Variants in RBFOX1 observed in about 807,000 individuals in gnomAD.
The protein encoded by RBFOX1 is RNA binding fox-1 homolog 1.
In RBFOX1, 8 loss-of-function variants were observed where a neutral mutation model predicts 57.7. The observed-to-expected ratio is 0.14, with a 90% confidence interval of 0.08 to 0.25. The LOEUF is 0.25. Among genes scored for constraint, RBFOX1 ranks in the 10% least tolerant of loss-of-function variants. The pLI is 1.00. For missense variants in RBFOX1, 611 were observed against 548.5 expected (o/e 1.11, Z -1.14); for synonymous variants, 326 against 222.4 (o/e 1.47, Z -4.15).
At chr16:5,678,500 A>C (rs992392369) in intron 3 of RBFOX1, among the ~76,000 whole-genome samples, 4 of 152,192 alleles carry the variant, frequency 2.6e-5, no homozygotes, top group Non-Finnish European at 5.9e-5. Flanking sequence ...CAAGGTCTTC[A>C]TGATGATCTT....
At chr16:5,711,135 C>T (rs1203314869) in intron 3 of RBFOX1, among the ~76,000 whole-genome samples, 1 of 152,188 alleles carries the variant, frequency 6.6e-6, no homozygotes, top group Non-Finnish European at 1.5e-5. Flanking sequence ...TCTCTGCAGG[C>T]ATGGGACAGT....
At chr16:6,651,172 G>C (rs2098591278) in intron 2 of RBFOX1, among the ~76,000 whole-genome samples, 1 of 152,172 alleles carries the variant, frequency 6.6e-6, no homozygotes, top group African/African-American at 2.4e-5. Context: ...AGAGTGCTGG[G>C]ATTGCAGGCG....
intron 3 of RBFOX1, among the ~76,000 whole-genome samples, chr16:6,685,817 A>T (rs1264247426): frequency 6.6e-6 from 1 of 152,148 alleles, no homozygotes; most frequent in East Asian, 1.9e-4. Context: ...TGTTGTTTTC[A>T]TTATGTCATG....
In RBFOX1 at chr16:7,080,505, A is replaced by G. The variant is rs568101975; in HGVS notation, c.27+28407A>G. Reference sequence around the variant, plus strand: ...TAGGGAATGTGTGTTTTTCCCCTTCATGTTTGTTATAAAGTTTGCAGATCA... The same window carrying G: ...TAGGGAATGTGTGTTTTTCCCCTTCGTGTTTGTTATAAAGTTTGCAGATCA... On this transcript the variant is annotated intron_variant, in intron 4 of 15. Coordinates refer to ENST00000550418, the MANE Select transcript of RBFOX1 (RefSeq NM_018723.4). Among the ~76,000 whole-genome samples the G allele has an allele frequency of 1.4e-4, 21 of 152,110 alleles. 1 individual carries two copies. Among genetic ancestry groups the G allele is most frequent in the African/African-American group, 4.6e-4 (19 of 41,476 alleles).
Position 6,450,773 on chromosome 16 carries a change from A to ATTT in RBFOX1, c.-64+133717_-64+133718insTTT, listed in dbSNP as rs2094577478. ...TATATACATATATATATGTGTATAT[A>ATTT]TATATATATATATATACATATATAT... On this transcript the variant is annotated intron_variant, in intron 2 of 15. Transcript: ENST00000550418. Among the ~76,000 whole-genome samples, 13 of 38,552 alleles carry ATTT rather than the reference A, an allele frequency of 3.4e-4. 1 individual carries two copies. Among genetic ancestry groups the ATTT allele is most frequent in the African/African-American group, 2.2e-3 (13 of 6,002 alleles). 25.3% of individuals were successfully genotyped at this position (38,552 alleles called of 152,430 possible). A position where few individuals can be genotyped will look rare whatever the true frequency, so the allele number is the denominator to read the frequency against.
At chr16:7,553,864 G>C (rs746654997) in intron 5 of RBFOX1, among the ~76,000 whole-genome samples, 10 of 152,228 alleles carry the variant, frequency 6.6e-5, no homozygotes, top group Non-Finnish European at 1.2e-4. Flanking sequence ...GCTAAGTCTA[G>C]GCTGTCAGCC....
chr16:7,487,691 ACATG>A (rs1490473219), intron 4 of RBFOX1, among the ~76,000 whole-genome samples: 1 of 152,122 alleles, frequency 6.6e-6, no homozygotes, highest in Admixed American at 6.5e-5. Context: ...TCACACACAC[ACATG>A]CATTCAAACC....
chr16:6,227,558 C>G (rs966515172), intron 1 of RBFOX1, among the ~76,000 whole-genome samples: 2 of 152,052 alleles, frequency 1.3e-5, no homozygotes, highest in African/African-American at 2.4e-5. Flanking sequence ...TGAGCTTGTA[C>G]ACACCTTCCA....
intron 4 of RBFOX1, among the ~76,000 whole-genome samples, chr16:7,251,848 C>T (rs953090524): frequency 6.6e-6 from 1 of 152,178 alleles, no homozygotes. Flanking sequence ...TGGATATATA[C>T]ACAGTAGTGG....
chr16:5,640,393 C>A (rs868231378), intron 3 of RBFOX1, among the ~76,000 whole-genome samples: 1 of 152,200 alleles, frequency 6.6e-6, no homozygotes, highest in African/African-American at 2.4e-5. Flanking sequence ...TGCATGCATG[C>A]ATGCACATAT....
intron 4 of RBFOX1, among the ~76,000 whole-genome samples, chr16:7,416,714 G>A (rs912971066): frequency 2.0e-5 from 3 of 149,590 alleles, no homozygotes; most frequent in African/African-American, 7.6e-5. Flanking sequence ...TAAAAGGCAA[G>A]CGACTTTAGG....
chr16:7,410,696 C>CA (rs939992164), intron 4 of RBFOX1, among the ~76,000 whole-genome samples: 3 of 141,626 alleles, frequency 2.1e-5, no homozygotes, highest in African/African-American at 7.6e-5. Context: ...AACAAAACAA[C>CA]AAAAAAACAA....
intron 3 of RBFOX1, among the ~76,000 whole-genome samples, chr16:6,914,883 C>T (rs189903280): frequency 1.3e-5 from 2 of 152,296 alleles, no homozygotes; most frequent in African/African-American, 4.8e-5. Flanking sequence ...GCAAGACCCT[C>T]TCAAAAACAA....
At chr16:5,690,990 GCAGCCCAATAATCCTCT>G (rs927247221) in intron 3 of RBFOX1, among the ~76,000 whole-genome samples, 4 of 152,156 alleles carry the variant, frequency 2.6e-5, no homozygotes, top group Admixed American at 6.5e-5. Flanking sequence ...GTAATCCAGT[GCAGCCCAATAATCCTCT>G]TTACCCCAGA....
At chr16:6,866,294 T>C (rs2059898650) in intron 3 of RBFOX1, among the ~76,000 whole-genome samples, 2 of 152,032 alleles carry the variant, frequency 1.3e-5, no homozygotes, top group South Asian at 4.2e-4. Context: ...GGGTGGCTGA[T>C]GGGCTTTAAG....
At chr16:6,254,287 C>G (rs1375203218) in intron 1 of RBFOX1, among the ~76,000 whole-genome samples, 2 of 152,074 alleles carry the variant, frequency 1.3e-5, no homozygotes, top group East Asian at 3.8e-4. Flanking sequence ...GTTTATCTCT[C>G]TAAATAAGCA....
At chr16:7,650,907 A>C (rs143317620) in intron 11 of RBFOX1, among the ~76,000 whole-genome samples, 2,972 of 152,186 alleles carry the variant, frequency 0.02, 39 homozygotes, top group African/African-American at 0.023. Context: ...CTCATTACTT[A>C]TGGGCTTTTA....
chr16:6,979,085 ATATGTTCAACATGATGAT>A (rs2087910865), intron 3 of RBFOX1, among the ~76,000 whole-genome samples: 1 of 152,200 alleles, frequency 6.6e-6, no homozygotes, highest in Non-Finnish European at 1.5e-5. Context: ...AATAGCACCA[ATATGTTCAACATGATGAT>A]TATGGGCTCA....
chr16:6,173,604 C>CTTTTTT lies in RBFOX1; in HGVS notation c.-126-143373_-126-143368dup, dbSNP rs35528338. On this transcript the variant is annotated intron_variant, in intron 1 of 15. Transcript: ENST00000550418. Reference sequence around the variant, plus strand: ...GTATGGAGTGGACACTGACCACTCCCTTTTTTTTTTTTTTTTTTTTTTTGA... The same window carrying CTTTTTT: ...GTATGGAGTGGACACTGACCACTCCCTTTTTTTTTTTTTTTTTTTTTTTTTTTTTGA... Among the ~76,000 whole-genome samples, 501 of 70,940 alleles carry CTTTTTT rather than the reference C, an allele frequency of 7.1e-3. 63 individuals carry two copies. The highest frequency in any genetic ancestry group is 0.027 in the African/African-American group (464 of 17,050). 46.5% of individuals were successfully genotyped at this position (70,940 alleles called of 152,430 possible).
Sources: allele counts gnomAD v4.1 joint callset (sites outside exome capture counted in the v4.1 genomes callset), GRCh38; gene constraint gnomAD v4.1.1; transcripts MANE v1.5; gene names NCBI Gene and HGNC (gene_info 2026-07-23, HGNC 2026-07-21).